The following USP40 variants were observed in gnomAD, a reference collection of about 807,000 sequenced individuals.
The protein encoded by USP40 is ubiquitin specific peptidase 40.
Under a neutral mutation model 166.2 loss-of-function variants are expected in USP40, and 143 were observed. That is an observed-to-expected ratio of 0.86 (90% CI 0.75 to 0.99). The LOEUF (loss-of-function observed/expected upper bound fraction) is 0.99, where lower values mean the gene tolerates loss of function less well. Among genes scored for constraint, USP40 ranks in the 50% least tolerant of loss-of-function variants. USP40 has a pLI of 0.00. For synonymous variants in USP40, 498 were observed against 524.0 expected (o/e 0.95, Z 0.68); for missense variants, 1,444 against 1,479.7 (o/e 0.98, Z 0.40).
chr2:233,554,102 A>T (rs78962358), intron 6 of USP40, among the ~76,000 whole-genome samples: 1,941 of 152,292 alleles, frequency 0.013, 39 homozygotes, highest in East Asian at 0.084. Flanking sequence ...AATATATACA[A>T]CTTTTTTCAC....
intron 4 of USP40, among the ~76,000 whole-genome samples, chr2:233,558,582 G>A (rs1229609347): frequency 6.6e-6 from 1 of 152,180 alleles, no homozygotes; most frequent in South Asian, 2.1e-4. Flanking sequence ...CAGAAAGGAG[G>A]TCAGTGGTTG....
At chr2:233,524,736 G>A (rs927261637) in intron 14 of USP40, among the ~76,000 whole-genome samples, 174 bp from the exon 15 acceptor site, 7 of 151,944 alleles carry the variant, frequency 4.6e-5, no homozygotes, top group Non-Finnish European at 8.8e-5. Flanking sequence ...TCTTTAAAAC[G>A]TTGTGACAAA....
In USP40 at chr2:233,517,425, C is replaced by T. The variant is rs956514771; in HGVS notation, c.2383+2189G>A. Among the ~76,000 whole-genome samples, 49 of 141,810 alleles carry T rather than the reference C, an allele frequency of 3.5e-4. No homozygotes were observed. In the Admixed American group the frequency reaches 3.5e-3, roughly 10 times the overall value. 93.0% of individuals were successfully genotyped at this position (141,810 alleles called of 152,430 possible). ...TTTGAGACGGAGTCTCGCTCTGTCA[C>T]CCAGGCTGGAGAGCAGTGGCGCGAT... On this transcript the variant is annotated intron_variant, in intron 18 of 31. Transcript: ENST00000678225.
At chr2:233,537,865 C>T (rs1597940) in intron 10 of USP40, among the ~76,000 whole-genome samples, 120,461 of 152,130 alleles carry the variant, frequency 0.79, 47,769 homozygotes, top group East Asian at 0.87. Flanking sequence ...GGATAAATAA[C>T]GAGCAGTAAA....
In USP40 at chr2:233,523,485, C is replaced by T. The variant is rs373777737; in HGVS notation, c.1886G>A (p.Gly629Asp). 1 of 1,611,612 alleles carries T rather than the reference C, an allele frequency of 6.2e-7. No individual in the cohort carries two copies. The highest frequency in any genetic ancestry group is 2.2e-5 in the East Asian group (1 of 44,874). ...DIFVWNGVEV[G>D]GVHIQTGIDC... ...AATACCAGTTTGAATGTGGACTCCA[C>T]CAACCTGCAATCATACCAAGACAAC... Residue 629 changes from glycine (G) to aspartate (D), a missense_variant, in exon 16 of 32, where the codon GGT becomes GAT. By Grantham distance (94) the Gly-to-Asp change is moderately conservative. Coordinates refer to ENST00000678225, the MANE Select transcript of USP40 (RefSeq NM_001365479.2).
rs1377875680 is a variant in USP40, at chr2:233,493,682, T to C, written c.2791-131A>G. On this transcript the variant is annotated intron_variant, in intron 24 of 31. Transcript: ENST00000678225. This position sits in a 1 kb window ranked among gnomAD's most constrained non-coding sequence, Gnocchi z 4.7. ...CTTATCATTTTTCCTTTTAGATTTA[T>C]TAACTGTCATAAATTATACTTGTTT... 11 of 1,120,594 alleles carry C rather than the reference T, an allele frequency of 9.8e-6. No individual in the cohort carries two copies. In the African/African-American group the frequency reaches 1.6e-4, roughly 16 times the overall value. The allele number at this position is 1,120,594 out of a possible 1,614,324, so 69.4% of individuals were successfully genotyped here. A position where few individuals can be genotyped will look rare whatever the true frequency, so the allele number is the denominator to read the frequency against.
chr2:233,537,936 G>A (rs543179188), intron 10 of USP40, among the ~76,000 whole-genome samples: 2 of 152,188 alleles, frequency 1.3e-5, no homozygotes, highest in African/African-American at 2.4e-5. Flanking sequence ...AGTCACTAAA[G>A]TGTTTAAGCA....
At chr2:233,496,017 G>A (rs183056340) in intron 24 of USP40, among the ~76,000 whole-genome samples, 29 of 152,336 alleles carry the variant, frequency 1.9e-4, no homozygotes, top group African/African-American at 5.3e-4. Context: ...AAACAAATAT[G>A]TGTAATGTTT....
intron 21 of USP40, among the ~76,000 whole-genome samples, chr2:233,506,010 A>C (rs1197428742): frequency 6.6e-6 from 1 of 152,180 alleles, no homozygotes; most frequent in Non-Finnish European, 1.5e-5. Flanking sequence ...AAAAATTCAT[A>C]AGGAACCACA....
Position 233,511,739 on chromosome 2 carries a change from C to G in USP40, c.2496G>C (p.Leu832=). 1 of 1,612,158 alleles carries G rather than the reference C, an allele frequency of 6.2e-7. No individual in the cohort carries two copies. ...AELKMGSSLG[L]CLGKAPSSSQ... ...ACGAACTTGGTGCTTTTCCAAGACA[C>G]AGTCCCAATGAACTTCCCATCTTCA... Residue 832 remains leucine, a synonymous_variant, in exon 20 of 32, where the codon CTG becomes CTC. Coordinates refer to ENST00000678225, the MANE Select transcript of USP40 (RefSeq NM_001365479.2).
intron 23 of USP40, among the ~76,000 whole-genome samples, chr2:233,497,738 T>C (rs192135260): frequency 6.6e-6 from 1 of 152,322 alleles, no homozygotes; most frequent in Non-Finnish European, 1.5e-5. Context: ...GTCCTAAAGA[T>C]GCTTTGAGGT....
chr2:233,565,596 T>A (rs1466871617), intron 1 of USP40, 23 bp from the exon 2 acceptor site: 2 of 1,510,746 alleles, frequency 1.3e-6, no homozygotes, highest in East Asian at 4.9e-5. Context: ...GACATATAAA[T>A]GCTTTTATTT....
At chr2:233,487,853 C>G (rs1183167532) in intron 28 of USP40, 1 of 465,866 alleles carries the variant, frequency 2.1e-6, no homozygotes, top group African/African-American at 2.0e-5. Flanking sequence ...ACAGATATGT[C>G]AGGTGATACT....
intron 6 of USP40, among the ~76,000 whole-genome samples, chr2:233,552,223 T>C (rs1156571543): frequency 7.1e-6 from 1 of 140,892 alleles, no homozygotes; most frequent in Non-Finnish European, 1.5e-5. Context: ...AAAAGTTGAA[T>C]GAAAAAAAAA....
intron 10 of USP40, among the ~76,000 whole-genome samples, chr2:233,537,302 G>A (rs1022662183): frequency 6.6e-6 from 1 of 152,168 alleles, no homozygotes; most frequent in Admixed American, 6.5e-5. Context: ...AGATGTGGGT[G>A]TCATCTGGGG....
chr2:233,560,739 ATAAT>A (rs972214644), intron 3 of USP40: 1 of 383,680 alleles, frequency 2.6e-6, no homozygotes, highest in Non-Finnish European at 4.7e-6. Flanking sequence ...AACAAACAAA[ATAAT>A]TAACTCATTA....
chr2:233,512,692 T>C (rs2066922199), intron 18 of USP40, 70 bp from the exon 19 acceptor site: 1 of 824,436 alleles, frequency 1.2e-6, no homozygotes, highest in African/African-American at 1.8e-5. Flanking sequence ...ATTATCAAAA[T>C]AAAAGGAAGC....
chr2:233,477,926 A>G (rs6740882), intron 31 of USP40, among the ~76,000 whole-genome samples: 9,548 of 152,336 alleles, frequency 0.063, 847 homozygotes, highest in African/African-American at 0.19. Context: ...CCGGAGAGAC[A>G]GGCCACTTGG....
At chr2:233,477,864 C>T (rs890834091) in intron 31 of USP40, among the ~76,000 whole-genome samples, 6 of 152,372 alleles carry the variant, frequency 3.9e-5, no homozygotes, top group African/African-American at 7.2e-5. Flanking sequence ...GTCACAATCA[C>T]GCACACCTGT....
Sources: allele counts gnomAD v4.1 joint callset (sites outside exome capture counted in the v4.1 genomes callset), GRCh38; gene constraint gnomAD v4.1.1; non-coding constraint Gnocchi (gnomAD v3.1); transcripts MANE v1.5; gene names NCBI Gene and HGNC (gene_info 2026-07-23, HGNC 2026-07-21).